The following RABGAP1 variants were observed in gnomAD, a reference collection of about 807,000 sequenced individuals.
RABGAP1 encodes the protein RAB GTPase activating protein 1.
A neutral mutation model predicts 137.6 loss-of-function variants in RABGAP1; 23 were observed. The ratio of observed to expected loss-of-function variants is 0.17; its 90% CI spans 0.12 to 0.24. The LOEUF is 0.24. Among genes scored for constraint, RABGAP1 ranks in the 10% least tolerant of loss-of-function variants. RABGAP1 has a pLI of 1.00. For missense variants in RABGAP1, 906 were observed against 1,275.8 expected, an observed-to-expected ratio of 0.71 and a Z score of 4.42; for synonymous variants, 451 against 450.7, an observed-to-expected ratio of 1.00 and a Z score of -0.01.
At position 122,990,111 on chromosome 9, in the gene RABGAP1, C is replaced by G. The variant is rs758480691; in HGVS notation, c.821C>G (p.Thr274Ser). The G allele has an allele frequency of 2.5e-6, 4 of 1,610,990 alleles. No individual in the cohort carries two copies. Among genetic ancestry groups the G allele is most frequent in the Non-Finnish European group, 3.4e-6 (4 of 1,177,252 alleles). ...ATAFRRSAKQ[T>S]PLSATAAPQT... ...GCCTTCCGCCGTTCTGCCAAGCAGA[C>G]CCCACTTTCAGCCACTGCTGCACCC... Residue 274 changes from threonine (T) to serine (S), a missense_variant, in exon 6 of 26, where the codon ACC becomes AGC. Coordinates refer to ENST00000373647, the MANE Select transcript of RABGAP1 (RefSeq NM_012197.4).
chr9:123,038,341 C>G (rs2032778030), intron 13 of RABGAP1, among the ~76,000 whole-genome samples: 1 of 152,010 alleles, frequency 6.6e-6, no homozygotes, highest in Non-Finnish European at 1.5e-5. Flanking sequence ...ATAATGGTCT[C>G]AGTATTTTAA....
At chr9:123,058,449 T>C (rs2033835742) in intron 13 of RABGAP1, among the ~76,000 whole-genome samples, 1 of 152,214 alleles carries the variant, frequency 6.6e-6, no homozygotes, top group Non-Finnish European at 1.5e-5. Flanking sequence ...AAATTCTTCT[T>C]TTTCCTTCCA....
At chr9:123,016,611 T>G (rs538925744) in intron 12 of RABGAP1, among the ~76,000 whole-genome samples, 1 of 152,352 alleles carries the variant, frequency 6.6e-6, no homozygotes, top group South Asian at 2.1e-4. Flanking sequence ...GAGACATTTA[T>G]GCAGTTTCCT....
At chr9:123,067,910 G>A (rs1310108432) in intron 14 of RABGAP1, among the ~76,000 whole-genome samples, 6 of 152,062 alleles carry the variant, frequency 3.9e-5, no homozygotes, top group African/African-American at 1.2e-4. Context: ...ATTCAGTACA[G>A]TTTCATCCTA....
chr9:122,948,992 G>A (rs1381252080), intron 1 of RABGAP1, among the ~76,000 whole-genome samples: 2 of 152,158 alleles, frequency 1.3e-5, no homozygotes, highest in Admixed American at 1.3e-4. Flanking sequence ...GGGACTCTTT[G>A]TGCCCGTTAT....
intron 19 of RABGAP1, among the ~76,000 whole-genome samples, chr9:123,087,201 T>G (rs748201965): frequency 6.6e-6 from 1 of 152,218 alleles, no homozygotes; most frequent in Non-Finnish European, 1.5e-5. Context: ...TAATGAAATA[T>G]AGAAGACATT....
intron 13 of RABGAP1, among the ~76,000 whole-genome samples, chr9:123,043,946 G>C (rs2033081051): frequency 6.7e-6 from 1 of 149,592 alleles, no homozygotes; most frequent in Non-Finnish European, 1.5e-5. Flanking sequence ...AGTCACCCAG[G>C]CTGGAGTGCA....
chr9:123,101,664 G>A lies in RABGAP1; in HGVS notation c.2988G>A (p.Thr996=), dbSNP rs148857270. ...SSTKEVLDED[T]DEEKETLKNQ... ...CCAAGGAGGTTTTAGATGAGGACAC[G>A]GATGAAGAGAAAGAGACGCTCAAGA... Residue 996 remains threonine, a synonymous_variant, in exon 25 of 26, where the codon ACG becomes ACA. Transcript: ENST00000373647. The A allele has an allele frequency of 6.9e-5, 111 of 1,613,924 alleles. No individual in the cohort carries two copies. The highest frequency in any genetic ancestry group is 6.0e-4 in the African/African-American group (45 of 74,920).
rs558658939 is a variant in RABGAP1 at position 122,962,625 on chromosome 9, C to A, written c.150+5416C>A. Among the ~76,000 whole-genome samples, 12 of 152,078 alleles carry A rather than the reference C, an allele frequency of 7.9e-5. No individual in the cohort carries two copies. The South Asian group carries it at 2.5e-3, about 32-fold the overall frequency. Reference sequence around the variant, plus strand: ...AAAAATCATCAAAGAAATGTAAATGCTATATTAGAAAATATTTACTAAGTC... The same window carrying A: ...AAAAATCATCAAAGAAATGTAAATGATATATTAGAAAATATTTACTAAGTC... On this transcript the variant is annotated intron_variant, in intron 2 of 25. Transcript: ENST00000373647.
At chr9:123,089,715 A>G in intron 19 of RABGAP1, 43 bp from the exon 20 acceptor site, 2 of 1,529,010 alleles carry the variant, frequency 1.3e-6, no homozygotes, top group Non-Finnish European at 1.8e-6. Flanking sequence ...AGCACCCACT[A>G]CTTTCTAATA....
At chr9:122,992,107 G>C (rs1464080232) in intron 6 of RABGAP1, among the ~76,000 whole-genome samples, 3 of 151,788 alleles carry the variant, frequency 2.0e-5, no homozygotes, top group Admixed American at 2.0e-4. Flanking sequence ...CACGATCACG[G>C]TTCACCGCAA....
At chr9:123,044,626 CGT>C (rs68089109) in intron 13 of RABGAP1, among the ~76,000 whole-genome samples, 80,112 of 148,940 alleles carry the variant, frequency 0.54, 26,351 homozygotes, top group Non-Finnish European at 0.74. Flanking sequence ...AACACACGTA[CGT>C]GTGTGTGTGT....
At chr9:122,991,603 CTCTT>C (rs1461075394) in intron 6 of RABGAP1, among the ~76,000 whole-genome samples, 3 of 141,240 alleles carry the variant, frequency 2.1e-5, no homozygotes, top group African/African-American at 6.3e-5. Flanking sequence ...TTCTCTCTCT[CTCTT>C]TTTTTTTTTT....
At chr9:123,008,302 G>A (rs2030485389) in intron 10 of RABGAP1, among the ~76,000 whole-genome samples, 1 of 152,070 alleles carries the variant, frequency 6.6e-6, no homozygotes, top group African/African-American at 2.4e-5. Context: ...GCTCATGTCT[G>A]TAATCCCAAC....
intron 13 of RABGAP1, chr9:123,029,589 C>A: frequency 1.3e-6 from 1 of 748,768 alleles, no homozygotes; most frequent in South Asian, 1.3e-5. Flanking sequence ...CAGAGTTTGT[C>A]ATATGTAGCT....
In RABGAP1 at chr9:123,070,403, T is replaced by A. The variant is rs1218320448; in HGVS notation, c.1962T>A (p.Leu654=). The A allele has an allele frequency of 6.2e-7, 1 of 1,614,148 alleles. No individual in the cohort carries two copies. Among genetic ancestry groups the A allele is most frequent in the Non-Finnish European group, 8.5e-7 (1 of 1,179,992 alleles). The change falls in exon 15 of 26, where the codon CTT becomes CTA. Residue 654 remains leucine, a synonymous_variant. Transcript: ENST00000373647. This position sits in a 1 kb window ranked among gnomAD's most constrained non-coding sequence, Gnocchi z 4.4. ...GTTATTGCCAGGGCCAGTCATTTCT[T>A]GCTGCTGTGCTCCTTCTCCATGTGA... The part of the protein sequence containing the change: ...EIGYCQGQSF[L]AAVLLLHMPE...
At chr9:123,011,628 G>GA (rs879788133) in intron 11 of RABGAP1, among the ~76,000 whole-genome samples, 1 of 152,040 alleles carries the variant, frequency 6.6e-6, no homozygotes, top group Non-Finnish European at 1.5e-5. Flanking sequence ...TAATAATCCT[G>GA]AAAAATAGGA....
intron 24 of RABGAP1, among the ~76,000 whole-genome samples, chr9:123,099,805 A>T (rs1055803162): frequency 3.3e-5 from 5 of 152,198 alleles, no homozygotes; most frequent in Non-Finnish European, 5.9e-5. Context: ...AATGTCTGTA[A>T]GGCAGTCGAT....
intron 2 of RABGAP1, among the ~76,000 whole-genome samples, chr9:122,976,038 G>T (rs1347930762): frequency 6.6e-6 from 1 of 152,136 alleles, no homozygotes; most frequent in Non-Finnish European, 1.5e-5. Context: ...TGTGAATGGG[G>T]TGCCTCTTGG....
Sources: gnomAD v4.1 joint callset for allele counts (sites outside exome capture counted in the v4.1 genomes callset) on GRCh38, gnomAD v4.1.1 for gene constraint, Gnocchi (gnomAD v3.1) non-coding constraint, MANE v1.5 for transcripts, NCBI Gene and HGNC (gene_info 2026-07-23, HGNC 2026-07-21) for gene names.